SYT1: variants seen among roughly 807,000 people sequenced by gnomAD.
The protein encoded by SYT1 is synaptotagmin-1.
Under a neutral mutation model 44.8 loss-of-function variants are expected in SYT1, and 8 were observed. That is an observed-to-expected ratio of 0.18 (90% confidence interval 0.10 to 0.32). The LOEUF (loss-of-function observed/expected upper bound fraction) is 0.32, where lower values mean the gene tolerates loss of function less well. SYT1 is among the 10% of genes least tolerant of loss of function. The pLI, the probability that SYT1 is intolerant of heterozygous loss-of-function variation, is 1.00. For synonymous variants in SYT1, 154 were observed against 188.8 expected (o/e 0.82, Z 1.51); for missense variants, 286 against 509.3 (o/e 0.56, Z 4.22).
At chr12:78,900,009 G>A (rs1875574235) in intron 1 of SYT1, among the ~76,000 whole-genome samples, 1 of 151,970 alleles carries the variant, frequency 6.6e-6, no homozygotes. Flanking sequence ...AAGTAAAGTA[G>A]CATTATCTTG....
intron 2 of SYT1, among the ~76,000 whole-genome samples, chr12:79,022,683 TA>T (rs1872272752): frequency 2.0e-5 from 3 of 151,550 alleles, no homozygotes; most frequent in Admixed American, 6.6e-5. Context: ...ATTATATTTT[TA>T]TTTTTTACTT....
At chr12:79,323,791 G>T (rs896561649) in intron 8 of SYT1, among the ~76,000 whole-genome samples, 1 of 151,210 alleles carries the variant, frequency 6.6e-6, no homozygotes, top group Non-Finnish European at 1.5e-5. Context: ...ATGTTAAATA[G>T]AAAAAGCAAA....
intron 2 of SYT1, among the ~76,000 whole-genome samples, chr12:79,041,199 G>A (rs1263591362): frequency 1.3e-5 from 2 of 151,634 alleles, no homozygotes; most frequent in Non-Finnish European, 3.0e-5. Flanking sequence ...CATTGAATCT[G>A]TAAATTACCT....
chr12:79,371,041 A>T (rs909157806), intron 9 of SYT1, among the ~76,000 whole-genome samples: 3 of 152,136 alleles, frequency 2.0e-5, no homozygotes, highest in African/African-American at 7.2e-5. Flanking sequence ...TGCTAATAAT[A>T]ATTATAGTTA....
chr12:79,114,040 C>G (rs1879151791), intron 3 of SYT1, among the ~76,000 whole-genome samples: 1 of 152,160 alleles, frequency 6.6e-6, no homozygotes, highest in South Asian at 2.1e-4. Context: ...ATGGTCCTCA[C>G]CTTCACTAAA....
intron 1 of SYT1, among the ~76,000 whole-genome samples, chr12:78,933,480 A>C (rs938423234): frequency 1.3e-5 from 2 of 152,190 alleles, no homozygotes; most frequent in Non-Finnish European, 2.9e-5. Context: ...AGTAGTAAAA[A>C]TAATTTGATT....
intron 10 of SYT1, among the ~76,000 whole-genome samples, chr12:79,448,374 AAATTCTATATT>A (rs1459484866): frequency 3.3e-5 from 5 of 152,320 alleles, no homozygotes; most frequent in Admixed American, 6.5e-5. Context: ...TGATTAGTTG[AAATTCTATATT>A]AATTCTATAT....
intron 1 of SYT1, among the ~76,000 whole-genome samples, chr12:78,921,618 G>C (rs1877006329): frequency 6.6e-6 from 1 of 151,882 alleles, no homozygotes; most frequent in East Asian, 1.9e-4. Flanking sequence ...CAGGCAAAAA[G>C]TGCTAGGTAA....
intron 3 of SYT1, among the ~76,000 whole-genome samples, chr12:79,061,973 G>A (rs942619784): frequency 2.6e-5 from 4 of 152,124 alleles, no homozygotes; most frequent in Non-Finnish European, 5.9e-5. Context: ...AGAAGAAAAA[G>A]ATAATTTTTT....
At chr12:79,147,121 G>A (rs1262263775) in intron 3 of SYT1, among the ~76,000 whole-genome samples, 1 of 152,132 alleles carries the variant, frequency 6.6e-6, no homozygotes, top group Non-Finnish European at 1.5e-5. Flanking sequence ...TTACAGGTGT[G>A]AGCCACCGTG....
chr12:79,000,338 G>T (rs977754609), intron 2 of SYT1, among the ~76,000 whole-genome samples: 1 of 139,366 alleles, frequency 7.2e-6, no homozygotes, highest in African/African-American at 2.7e-5. Context: ...TAGTTGCCCA[G>T]CGTGGAGTGC....
chr12:79,043,675 T>G (rs553274581), intron 2 of SYT1, among the ~76,000 whole-genome samples: 1 of 152,242 alleles, frequency 6.6e-6, no homozygotes, highest in Non-Finnish European at 1.5e-5. Context: ...CATTATGATG[T>G]TAGCTGGTTC....
At chr12:79,222,369 T>TTTAG (rs1875215905) in intron 4 of SYT1, among the ~76,000 whole-genome samples, 1 of 123,670 alleles carries the variant, frequency 8.1e-6, no homozygotes, top group Non-Finnish European at 1.7e-5. Context: ...CTACTATTTA[T>TTTAG]TTATTTACTT....
chr12:79,263,211 G>A (rs116257048), intron 4 of SYT1, among the ~76,000 whole-genome samples: 101 of 151,870 alleles, frequency 6.7e-4, no homozygotes, highest in African/African-American at 2.2e-3. Flanking sequence ...TTTTTCAATA[G>A]GAGATAGCAC....
intron 3 of SYT1, among the ~76,000 whole-genome samples, chr12:79,122,437 C>T (rs560101551): frequency 7.7e-6 from 1 of 130,696 alleles, no homozygotes; most frequent in African/African-American, 3.0e-5. Flanking sequence ...TGGCGTGAAC[C>T]CGGGAGGCGG....
chr12:79,264,321 TG>T (rs1302560174), intron 4 of SYT1, among the ~76,000 whole-genome samples: 2 of 151,746 alleles, frequency 1.3e-5, no homozygotes, highest in Non-Finnish European at 2.9e-5. Context: ...CTGGGACTAC[TG>T]GCGCCCACCA....
chr12:79,242,386 T>G (rs926151435), intron 4 of SYT1, among the ~76,000 whole-genome samples: 1 of 152,164 alleles, frequency 6.6e-6, no homozygotes, highest in Non-Finnish European at 1.5e-5. Context: ...TTGGATTGTG[T>G]GAGGACAAGG....
At chr12:79,042,093 G>T (rs879604275) in intron 2 of SYT1, among the ~76,000 whole-genome samples, 293 of 149,766 alleles carry the variant, frequency 2.0e-3, no homozygotes, top group Non-Finnish European at 3.3e-3. Context: ...TCTCTTTTTT[G>T]GTTGTGTCTC....
chr12:78,974,266 T>C (rs989476154), intron 1 of SYT1, among the ~76,000 whole-genome samples: 1 of 151,622 alleles, frequency 6.6e-6, no homozygotes, highest in Admixed American at 6.6e-5. Flanking sequence ...GAGACCATCA[T>C]CTTAAATGCA....
Sources: gnomAD v4.1 joint callset for allele counts (sites outside exome capture counted in the v4.1 genomes callset) on GRCh38, gnomAD v4.1.1 for gene constraint, MANE v1.5 for transcripts, NCBI Gene and HGNC (gene_info 2026-07-23, HGNC 2026-07-21) for gene names.